Variants in DAPK3 observed in about 807,000 individuals in gnomAD.
The protein encoded by DAPK3 is death associated protein kinase 3.
DAPK3 carries 24 observed loss-of-function variants against 30.6 expected under a neutral mutation model. That is an observed-to-expected ratio of 0.78 (90% confidence interval 0.57 to 1.10). DAPK3 has a LOEUF of 1.10. Ranked by LOEUF, DAPK3 falls within the 50% of genes least tolerant of loss-of-function variation. The probability of loss-of-function intolerance (pLI) is 0.00; values close to 1 mark genes in which losing one functional copy is unlikely to be tolerated. For synonymous variants in DAPK3, 341 were observed against 284.0 expected (o/e 1.20, Z -2.02); for missense variants, 629 against 657.3 (o/e 0.96, Z 0.47).
At chr19:3,961,877 G>A (rs1217012884) in intron 6 of DAPK3, 1 of 209,354 alleles carries the variant, frequency 4.8e-6, no homozygotes, top group Non-Finnish European at 1.0e-5. Flanking sequence ...AAATTTTTTA[G>A]AGACGGAGTC....
intron 6 of DAPK3, among the ~76,000 whole-genome samples, chr19:3,962,787 C>CAA (rs35117218): frequency 0.49 from 32,983 of 67,760 alleles, 9,175 homozygotes; most frequent in East Asian, 0.75. Context: ...AACTCTGTCT[C>CAA]AAAAAAAAAA....
chr19:3,963,060 G>A (rs1467407639), intron 6 of DAPK3, among the ~76,000 whole-genome samples: 1 of 151,108 alleles, frequency 6.6e-6, no homozygotes, highest in East Asian at 1.9e-4. Flanking sequence ...AGCTGAGATC[G>A]CACCACTGCA....
At position 3,959,307 on chromosome 19, in the gene DAPK3, T is replaced by C. The variant is rs2039476460; in HGVS notation, c.1159A>G (p.Lys387Glu). Residue 387 changes from lysine to glutamate, a missense_variant, in exon 9 of 9, where the codon AAG becomes GAG. Around this residue, in one of 2 missense-constraint regions of DAPK3, gnomAD observed 323 missense variants for 278.8 expected, o/e 1.16. Coordinates refer to ENST00000545797, the MANE Select transcript of DAPK3 (RefSeq NM_001348.3). ...GCCTGCCGCTTGAGCGCCTCGGTCT[T>C]GAGCAGCTCCTGCCGTAGCCTCCGC... ...DLRRLRQELL[K>E]TEALKRQAQE... The C allele has an allele frequency of 6.3e-7, 1 of 1,595,468 alleles. No homozygotes were observed. The highest frequency in any genetic ancestry group is 1.3e-5 in the African/African-American group (1 of 74,972).
At chr19:3,964,501 T>G in intron 3 of DAPK3, 128 bp from the exon 4 acceptor site, 1 of 473,650 alleles carries the variant, frequency 2.1e-6, no homozygotes, top group Non-Finnish European at 3.1e-6. Context: ...ACCCCCACGC[T>G]CCCCAAACCT....
At chr19:3,960,900 C>G in intron 7 of DAPK3, 109 bp downstream of exon 7, 1 of 1,192,274 alleles carries the variant, frequency 8.4e-7, no homozygotes, top group Non-Finnish European at 1.2e-6. Flanking sequence ...AATGTCTGAT[C>G]CCCAGCCGCA....
chr19:3,959,938 G>A (rs765975227), intron 8 of DAPK3, 121 bp downstream of exon 8: 1 of 763,870 alleles, frequency 1.3e-6, no homozygotes, highest in Non-Finnish European at 2.3e-6. Flanking sequence ...CTCCTCTGGG[G>A]ACCCTCCCCA....
chr19:3,967,038 T>C (rs768415432), intron 2 of DAPK3, among the ~76,000 whole-genome samples: 8 of 152,192 alleles, frequency 5.3e-5, no homozygotes, highest in African/African-American at 1.2e-4. Flanking sequence ...CCCTCCTCAG[T>C]GATGGTCTCA....
chr19:3,964,107 G>A lies in DAPK3; in HGVS notation c.553+137C>T, dbSNP rs539837934. On this transcript the variant is annotated intron_variant, in intron 4 of 8. Coordinates refer to ENST00000545797, the MANE Select transcript of DAPK3 (RefSeq NM_001348.3). ...CACCAAATGGAGGCCCAGACCTCCC[G>A]CAAAGCCGGGCCCAAGAGGGGTGGC... The A allele has an allele frequency of 2.5e-5, 23 of 902,592 alleles. No homozygotes were observed. The African/African-American group carries it at 3.0e-4, about 12-fold the overall frequency. The allele number at this position is 902,592 out of a possible 1,614,324, so 55.9% of individuals were successfully genotyped here. A position where few individuals can be genotyped will look rare whatever the true frequency, so the allele number is the denominator to read the frequency against.
intron 8 of DAPK3, 50 bp from the exon 9 acceptor site, chr19:3,959,687 C>A (rs764725310): frequency 2.0e-6 from 3 of 1,491,474 alleles, no homozygotes; most frequent in Non-Finnish European, 2.7e-6. Context: ...CACCCAGCCC[C>A]GCCAGCCCCC....
rs766945853 is a variant in DAPK3, at chr19:3,959,160, C to G, written c.1306G>C (p.Asp436His). The change falls in exon 9 of 9, where the codon GAC becomes CAC. Residue 436 changes from aspartate to histidine, a missense_variant. Coordinates refer to ENST00000545797, the MANE Select transcript of DAPK3 (RefSeq NM_001348.3). Reference sequence around the variant, plus strand: ...TCCTGCTCCAGGGCGCGCACGAGGTCCTGCACGAAGCGCATCTCGGAGGCT... The same window carrying G: ...TCCTGCTCCAGGGCGCGCACGAGGTGCTGCACGAAGCGCATCTCGGAGGCT... Reference protein sequence around the residue: ...QVASEMRFVQDLVRALEQEKL... With the variant: ...QVASEMRFVQHLVRALEQEKL... 1 of 1,594,014 alleles carries G rather than the reference C, an allele frequency of 6.3e-7. No individual in the cohort carries two copies. The highest frequency in any genetic ancestry group is 8.5e-7 in the Non-Finnish European group (1 of 1,175,516).
chr19:3,958,945 T>C lies in DAPK3; in HGVS notation c.*156A>G. ...CCACACCCACCCCTGCCTGCGAACT[T>C]ACGGGCCTGGCTCCAGCTCCTCCCA... is the stretch of plus-strand genomic sequence containing the variant. On this transcript the variant is annotated 3_prime_UTR_variant, in exon 9 of 9. Transcript: ENST00000545797. 1.7e-6 allele frequency: 1 copy of C among 591,198 alleles called. No individual in the cohort carries two copies. The highest frequency in any genetic ancestry group is 2.9e-5 in the East Asian group (1 of 34,002). The allele number at this position is 591,198 out of a possible 1,614,324, so 36.6% of individuals were successfully genotyped here.
chr19:3,970,022 CAA>C (rs1001007091), intron 1 of DAPK3, 193 bp from the exon 2 acceptor site: 5 of 434,418 alleles, frequency 1.2e-5, no homozygotes, highest in African/African-American at 1.0e-4. Context: ...CATAACCACT[CAA>C]AAGTTTGGTA....
At chr19:3,964,038 G>A in intron 4 of DAPK3, 119 bp from the exon 5 acceptor site, 1 of 824,380 alleles carries the variant, frequency 1.2e-6, no homozygotes, top group South Asian at 1.6e-5. Flanking sequence ...CATGAATGCG[G>A]CAGAGCTGGC....
chr19:3,964,260 G>A lies in DAPK3; in HGVS notation c.537C>T (p.Gly179=), dbSNP rs1379006606. Residue 179 remains glycine (G), a synonymous_variant, in exon 4 of 9, where the codon GGC becomes GGT. Coordinates refer to ENST00000545797, the MANE Select transcript of DAPK3 (RefSeq NM_001348.3). ...EAGNEFKNIF[G]TPEFVAPEIV... The stretch of plus-strand genomic sequence containing the variant: ...GGGCCTCACCCACAAACTCCGGGGT[G>A]CCGAAGATGTTCTTGAACTCGTTCC... 1 of 1,612,778 alleles carries A rather than the reference G, an allele frequency of 6.2e-7. No individual in the cohort carries two copies. Among genetic ancestry groups the A allele is most frequent in the Non-Finnish European group, 8.5e-7 (1 of 1,179,144 alleles).
chr19:3,964,206 C>A, intron 4 of DAPK3, 38 bp downstream of exon 4: 2 of 1,559,620 alleles, frequency 1.3e-6, no homozygotes, highest in Non-Finnish European at 1.7e-6. Flanking sequence ...CCAGACCACC[C>A]TCCCCAGGCC....
Position 3,964,384 on chromosome 19 carries a change from A to C in DAPK3, c.424-11T>G, listed in dbSNP as rs1485419868. On this transcript the variant is annotated splice_polypyrimidine_tract_variant and intron_variant, in intron 3 of 8. Transcript: ENST00000545797. ...CATGATGTTTTCCGGCTGGGGTGGGAGGAGGCTCAGCAGGGAAAGCACGGG... is the reference window on the plus strand; with the variant it reads ...CATGATGTTTTCCGGCTGGGGTGGGCGGAGGCTCAGCAGGGAAAGCACGGG... 6.2e-7 allele frequency: 1 copy of C among 1,608,854 alleles called. No individual in the cohort carries two copies. Among genetic ancestry groups the C allele is most frequent in the African/African-American group, 1.3e-5 (1 of 74,676 alleles).
In DAPK3 at chr19:3,959,582, C is replaced by T. The variant is rs1163368959; in HGVS notation, c.884G>A (p.Arg295Gln). Residue 295 changes from arginine (R) to glutamine (Q), a missense_variant, in exon 9 of 9, where the codon CGG (arginine) becomes CAG (glutamine). This residue lies in a region of DAPK3 where 323 missense variants were observed against 278.8 expected (regional missense o/e 1.16). Coordinates refer to ENST00000545797, the MANE Select transcript of DAPK3 (RefSeq NM_001348.3). ...GEDSGRKPER[R>Q]RLKTTRLKEY... ...CTTCAGACGCGTGGTCTTCAGGCGC[C>T]GCCGCTCGGGCTTGCGGCCGCTGTC... The T allele has an allele frequency of 2.5e-6, 4 of 1,584,736 alleles. No homozygotes were observed. The highest frequency in any genetic ancestry group is 1.3e-5 in the African/African-American group (1 of 74,840).
chr19:3,959,692 G>A (rs2039482784), intron 8 of DAPK3, 55 bp from the exon 9 acceptor site: 19 of 1,478,348 alleles, frequency 1.3e-5, no homozygotes, highest in Non-Finnish European at 1.7e-5. Context: ...AGCCCCGCCA[G>A]CCCCCACCTG....
At chr19:3,965,694 T>A (rs2039571351) in intron 2 of DAPK3, among the ~76,000 whole-genome samples, 1 of 152,076 alleles carries the variant, frequency 6.6e-6, no homozygotes, top group African/African-American at 2.4e-5. Flanking sequence ...AGACAGGGTC[T>A]GGCCCTGTTG....
Sources: gnomAD v4.1 joint callset for allele counts (sites outside exome capture counted in the v4.1 genomes callset) on GRCh38, gnomAD v4.1.1 for gene constraint, gnomAD v4.1.1 regional missense constraint, MANE v1.5 for transcripts, NCBI Gene and HGNC (gene_info 2026-07-23, HGNC 2026-07-21) for gene names.